The following FMN1 variants were observed in gnomAD, a reference collection of about 807,000 sequenced individuals.
The protein encoded by FMN1 is formin-1.
Under a neutral mutation model 132.4 loss-of-function variants are expected in FMN1, and 110 were observed. The observed-to-expected ratio is 0.83, with a 90% confidence interval of 0.71 to 0.97. FMN1 has a LOEUF of 0.97. FMN1 is among the 50% of genes least tolerant of loss of function. The pLI, the probability that FMN1 is intolerant of heterozygous loss-of-function variation, is 0.00. For missense variants in FMN1, 1,792 were observed against 1,705.3 expected, an observed-to-expected ratio of 1.05 and a Z score of -0.90; for synonymous variants, 722 against 651.7, an observed-to-expected ratio of 1.11 and a Z score of -1.64.
In FMN1 at chr15:32,949,978, TACAC is replaced by T. The variant is rs1323178308; in HGVS notation, c.3138+14125_3138+14128del. 2.8e-3 allele frequency among the ~76,000 whole-genome samples: 100 copies of T among 35,968 alleles called. 4 individuals are homozygous for T. Among genetic ancestry groups the T allele is most frequent in the Admixed American group, 6.8e-3 (19 of 2,812 alleles). 23.6% of individuals were successfully genotyped at this position (35,968 alleles called of 152,430 possible). A position where few individuals can be genotyped will look rare whatever the true frequency, so the allele number is the denominator to read the frequency against. On this transcript the variant is annotated intron_variant, in intron 9 of 20. Coordinates refer to ENST00000616417, the MANE Select transcript of FMN1 (RefSeq NM_001277313.2). ...ATATATATATATACACACATATATA[TACAC>T]ACACATATATATACACATACACATA...
rs144513408 is a variant in FMN1, at chr15:33,067,692, C to T, written c.2044-2618G>A. On this transcript the variant is annotated intron_variant, in intron 5 of 20. Transcript: ENST00000616417. Reference sequence around the variant, plus strand: ...TCATCCTGCTGAGATGTGGGATTCACGTCTAAACTATGGAATGCTTTCAGC... The same window carrying T: ...TCATCCTGCTGAGATGTGGGATTCATGTCTAAACTATGGAATGCTTTCAGC... 1.3e-4 allele frequency: 203 copies of T among 1,613,998 alleles called. No homozygotes were observed. In the African/African-American group the frequency reaches 1.8e-3, roughly 14 times the overall value.
intron 6 of FMN1, among the ~76,000 whole-genome samples, chr15:33,017,594 TG>T (rs2035132661): frequency 1.3e-5 from 2 of 152,230 alleles, no homozygotes; most frequent in African/African-American, 4.8e-5. Context: ...GGACAATAAC[TG>T]GGAGAAATCC....
chr15:32,870,772 G>A (rs966093193), intron 16 of FMN1, among the ~76,000 whole-genome samples: 14 of 152,118 alleles, frequency 9.2e-5, no homozygotes, highest in Admixed American at 8.5e-4. Context: ...GGTGTTAAGC[G>A]ATTCAAACAT....
chr15:33,119,939 C>T (rs1402566893), intron 4 of FMN1, among the ~76,000 whole-genome samples: 1 of 152,162 alleles, frequency 6.6e-6, no homozygotes, highest in African/African-American at 2.4e-5. Flanking sequence ...ATCTAAAGAG[C>T]TCAAAGCGTT....
At chr15:33,047,698 G>T (rs2036752917) in intron 6 of FMN1, among the ~76,000 whole-genome samples, 1 of 152,170 alleles carries the variant, frequency 6.6e-6, no homozygotes, top group African/African-American at 2.4e-5. Context: ...ACTCCCATGG[G>T]AGATGGGCTG....
Position 32,945,648 on chromosome 15 carries a change from A to G in FMN1, c.3138+18459T>C, listed in dbSNP as rs192400116. Reference sequence around the variant, plus strand: ...AAAAGTTATTATCTTCAATGTCATCATATGTCTTTGATATGATAATCATTG... The same window carrying G: ...AAAAGTTATTATCTTCAATGTCATCGTATGTCTTTGATATGATAATCATTG... On this transcript the variant is annotated intron_variant, in intron 9 of 20. Coordinates refer to ENST00000616417, the MANE Select transcript of FMN1 (RefSeq NM_001277313.2). 5.3e-5 allele frequency among the ~76,000 whole-genome samples: 8 copies of G among 152,252 alleles called. No homozygotes were observed. In the East Asian group the frequency reaches 7.7e-4, roughly 15 times the overall value.
chr15:32,785,218 A>ATATTTTTTTTT (rs1444523400), intron 19 of FMN1, among the ~76,000 whole-genome samples: 9 of 39,204 alleles, frequency 2.3e-4, no homozygotes, highest in Admixed American at 6.8e-4. Flanking sequence ...ATATATATAT[A>ATATTTTTTTTT]TTTTTTTTTT....
At position 32,766,839 on chromosome 15, in the gene FMN1, A is replaced by G. The variant is rs1005889829; in HGVS notation, c.*7471T>C. On this transcript the variant is annotated 3_prime_UTR_variant, in exon 21 of 21. Coordinates refer to ENST00000616417, the MANE Select transcript of FMN1 (RefSeq NM_001277313.2). Reference sequence around the variant, plus strand: ...ACTGTAAAGTAGGAAAGAAATAGCCATGGAATATGAAGGAAAAGGACGAGG... The same window carrying G: ...ACTGTAAAGTAGGAAAGAAATAGCCGTGGAATATGAAGGAAAAGGACGAGG... 6.6e-6 allele frequency: 1 copy of G among 152,372 alleles called. No homozygotes were observed. The highest frequency in any genetic ancestry group is 1.5e-5 in the Non-Finnish European group (1 of 68,152). The allele number at this position is 152,372 out of a possible 1,614,324, so 9.4% of individuals were successfully genotyped here. A position where few individuals can be genotyped will look rare whatever the true frequency, so the allele number is the denominator to read the frequency against.
chr15:32,886,493 G>C (rs1476712104), intron 16 of FMN1, among the ~76,000 whole-genome samples: 2 of 152,200 alleles, frequency 1.3e-5, no homozygotes, highest in Non-Finnish European at 2.9e-5. Context: ...GTGTACCAAA[G>C]TGAGGCGCTA....
chr15:33,080,864 G>A (rs2038426125), intron 5 of FMN1, among the ~76,000 whole-genome samples: 1 of 150,126 alleles, frequency 6.7e-6, no homozygotes, highest in African/African-American at 2.5e-5. Flanking sequence ...TCCAGCCTGG[G>A]CAACAAAAGC....
At chr15:32,781,174 T>G (rs1555452454) in intron 19 of FMN1, among the ~76,000 whole-genome samples, 1 of 152,228 alleles carries the variant, frequency 6.6e-6, no homozygotes, top group Non-Finnish European at 1.5e-5. Flanking sequence ...TTTTTAAAAT[T>G]TCTTCAAAAA....
chr15:32,814,190 T>C (rs2057980815), intron 17 of FMN1, among the ~76,000 whole-genome samples: 1 of 152,194 alleles, frequency 6.6e-6, no homozygotes, highest in Admixed American at 6.5e-5. Context: ...TCTAGACCCA[T>C]ATATGTCTTT....
intron 7 of FMN1, among the ~76,000 whole-genome samples, chr15:33,003,906 T>A (rs2034259704): frequency 2.6e-5 from 4 of 152,180 alleles, no homozygotes; most frequent in Admixed American, 2.0e-4. Flanking sequence ...TACAACTATC[T>A]GATCTTTGAC....
chr15:33,184,099 T>A (rs187505291), intron 2 of FMN1, among the ~76,000 whole-genome samples: 321 of 152,356 alleles, frequency 2.1e-3, no homozygotes, highest in African/African-American at 7.0e-3. Flanking sequence ...AACTAATGTA[T>A]TGTTTTCGTT....
At chr15:33,079,612 G>C (rs555822993) in intron 5 of FMN1, among the ~76,000 whole-genome samples, 2 of 152,364 alleles carry the variant, frequency 1.3e-5, no homozygotes, top group African/African-American at 4.8e-5. Context: ...GACAGAGCGA[G>C]ACTCCGTCTC....
At chr15:32,813,280 T>C (rs1468194237) in intron 17 of FMN1, among the ~76,000 whole-genome samples, 1 of 152,200 alleles carries the variant, frequency 6.6e-6, no homozygotes, top group Non-Finnish European at 1.5e-5. Flanking sequence ...AACCACATTA[T>C]ACATCTAGTC....
chr15:32,889,821 A>G (rs1046981604), intron 15 of FMN1, among the ~76,000 whole-genome samples: 2 of 152,226 alleles, frequency 1.3e-5, no homozygotes, highest in Admixed American at 6.5e-5. Flanking sequence ...GTATTTGGTT[A>G]CATGAGTAAG....
intron 17 of FMN1, among the ~76,000 whole-genome samples, chr15:32,838,658 T>TA (rs1263792833): frequency 6.6e-6 from 1 of 152,218 alleles, no homozygotes; most frequent in East Asian, 1.9e-4. Context: ...AGCATTTGGC[T>TA]AATTAAGGAA....
chr15:33,087,043 T>C (rs200157703), intron 5 of FMN1, among the ~76,000 whole-genome samples: 105 of 152,196 alleles, frequency 6.9e-4, no homozygotes, highest in East Asian at 1.9e-3. Context: ...TTAAAGTTAA[T>C]GGCTAAAAAA....
Sources: gnomAD v4.1 joint callset for allele counts (sites outside exome capture counted in the v4.1 genomes callset) on GRCh38, gnomAD v4.1.1 for gene constraint, MANE v1.5 for transcripts, NCBI Gene and HGNC (gene_info 2026-07-23, HGNC 2026-07-21) for gene names.